Variants in PARN observed in about 807,000 individuals in gnomAD.
PARN encodes poly(A)-specific ribonuclease PARN.
PARN carries 71 observed loss-of-function variants against 102.8 expected under a neutral mutation model. The observed-to-expected ratio is 0.69, with a 90% CI of 0.57 to 0.84. PARN has a LOEUF of 0.84. Among genes scored for constraint, PARN ranks in the 40% least tolerant of loss-of-function variants. The pLI, the probability that PARN is intolerant of heterozygous loss-of-function variation, is 0.00. For synonymous variants in PARN, 261 were observed against 252.9 expected, an observed-to-expected ratio of 1.03 and a Z score of -0.30; for missense variants, 782 against 760.9, an observed-to-expected ratio of 1.03 and a Z score of -0.33.
At chr16:14,574,039 G>A (rs897139972) in intron 18 of PARN, among the ~76,000 whole-genome samples, 1 of 152,180 alleles carries the variant, frequency 6.6e-6, no homozygotes, top group Non-Finnish European at 1.5e-5. Flanking sequence ...ACAGTTTGGA[G>A]GGCTCAGAAG....
At chr16:14,509,608 C>T (rs955146070) in intron 21 of PARN, among the ~76,000 whole-genome samples, 8 of 152,190 alleles carry the variant, frequency 5.3e-5, no homozygotes, top group African/African-American at 1.7e-4. Context: ...TTCTCATCAA[C>T]ATTCAAAGTC....
intron 5 of PARN, among the ~76,000 whole-genome samples, chr16:14,620,232 C>A (rs1972214045): frequency 6.6e-6 from 1 of 151,824 alleles, no homozygotes; most frequent in Admixed American, 6.6e-5. Context: ...AAAAAATTAG[C>A]CAGGCGCGGT....
At chr16:14,514,411 C>T (rs1449893957) in intron 21 of PARN, among the ~76,000 whole-genome samples, 1 of 152,094 alleles carries the variant, frequency 6.6e-6, no homozygotes, top group Non-Finnish European at 1.5e-5. Context: ...TGATCTCGAT[C>T]TCCTGACCTC....
chr16:14,481,205 A>G (rs1012685949), intron 22 of PARN, among the ~76,000 whole-genome samples: 3 of 152,178 alleles, frequency 2.0e-5, no homozygotes, highest in Non-Finnish European at 4.4e-5. Flanking sequence ...CCTTACTGAT[A>G]ATAGCTCCAA....
At chr16:14,559,301 TG>T (rs1215514139) in intron 18 of PARN, among the ~76,000 whole-genome samples, 1 of 152,078 alleles carries the variant, frequency 6.6e-6, no homozygotes, top group African/African-American at 2.4e-5. Flanking sequence ...AAATATTTTT[TG>T]TCAATATATA....
At chr16:14,442,182 T>A (rs1201684175) in intron 23 of PARN, among the ~76,000 whole-genome samples, 2 of 152,104 alleles carry the variant, frequency 1.3e-5, no homozygotes, top group Non-Finnish European at 2.9e-5. Context: ...CCAGGCAGCA[T>A]CAGACCATCC....
chr16:14,464,974 A>G (rs1424414521), intron 22 of PARN, among the ~76,000 whole-genome samples: 1 of 152,220 alleles, frequency 6.6e-6, no homozygotes, highest in Non-Finnish European at 1.5e-5. Context: ...TCCTTCAGGC[A>G]AAAGGGAAAT....
chr16:14,577,935 T>C (rs1052404384), intron 18 of PARN, among the ~76,000 whole-genome samples: 1 of 151,988 alleles, frequency 6.6e-6, no homozygotes, highest in Non-Finnish European at 1.5e-5. Flanking sequence ...CCCAAAGTGC[T>C]GGGATTACAG....
intron 23 of PARN, among the ~76,000 whole-genome samples, chr16:14,440,781 T>C (rs1225901557): frequency 1.3e-5 from 2 of 152,168 alleles, no homozygotes; most frequent in Admixed American, 1.3e-4. Context: ...TGATTCCAGG[T>C]ATATGACATT....
intron 21 of PARN, among the ~76,000 whole-genome samples, chr16:14,539,265 G>T (rs1464231208): frequency 1.3e-5 from 2 of 152,170 alleles, no homozygotes; most frequent in African/African-American, 4.8e-5. Flanking sequence ...CAATGTAACA[G>T]AATATGAAAC....
At chr16:14,576,863 T>G (rs1969175726) in intron 18 of PARN, among the ~76,000 whole-genome samples, 1 of 152,214 alleles carries the variant, frequency 6.6e-6, no homozygotes, top group Non-Finnish European at 1.5e-5. Flanking sequence ...GGGACATTCT[T>G]CTAGACCAGT....
In PARN at chr16:14,470,308, T is replaced by C. The variant is rs561915086; in HGVS notation, c.1670+12330A>G. Among the ~76,000 whole-genome samples, 4 of 152,190 alleles carry C rather than the reference T, an allele frequency of 2.6e-5. No individual in the cohort carries two copies. The South Asian group carries it at 8.3e-4, about 32-fold the overall frequency. On this transcript the variant is annotated intron_variant, in intron 22 of 23. Coordinates refer to ENST00000437198, the MANE Select transcript of PARN (RefSeq NM_002582.4). ...GCCTTTAAATGGAAATACTGAATTT[T>C]ATTGGAGACACTGAGAAACCTTTCT...
intron 13 of PARN, among the ~76,000 whole-genome samples, chr16:14,586,846 T>C (rs1173256050): frequency 6.6e-6 from 1 of 152,188 alleles, no homozygotes; most frequent in Non-Finnish European, 1.5e-5. Context: ...TTTGAAATGT[T>C]AGTAAAAATG....
At chr16:14,627,076 GA>G in intron 5 of PARN, 29 bp downstream of exon 5, 1 of 1,325,118 alleles carries the variant, frequency 7.5e-7, no homozygotes, top group Non-Finnish European at 1.1e-6. Context: ...CAGCAATTCA[GA>G]AAAGAAAAAT....
rs372219707 is a variant in PARN at position 14,447,047 on chromosome 16, A to G, written c.1705T>C (p.Leu569=). ...TAPSTVGKRN[L]SPSQEEAGLE... ...CCAGCTTCCTCTTGACTAGGACTCAAATTTCTCTTTCCTACTGTGCTGGGA... is the reference window on the plus strand; with the variant it reads ...CCAGCTTCCTCTTGACTAGGACTCAGATTTCTCTTTCCTACTGTGCTGGGA... The change falls in exon 23 of 24, where the codon TTG becomes CTG. Residue 569 remains leucine (L), a synonymous_variant. Transcript: ENST00000437198. The G allele has an allele frequency of 7.4e-6, 12 of 1,613,694 alleles. No individual in the cohort carries two copies. The highest frequency in any genetic ancestry group is 3.3e-5 in the Admixed American group (2 of 59,980).
rs114073718 is a variant in PARN, at chr16:14,625,881, G to A, written c.327+1225C>T. On this transcript the variant is annotated intron_variant, in intron 5 of 23. Transcript: ENST00000437198. ...AGATAGGATGCAAGATTTTAAGGGA[G>A]AAAAGATTAAGACTTATCTTTAATC... Among the ~76,000 whole-genome samples, 579 of 152,282 alleles carry A rather than the reference G, an allele frequency of 3.8e-3. 5 individuals are homozygous for A. Among genetic ancestry groups the A allele is most frequent in the African/African-American group, 0.013 (546 of 41,542 alleles).
At chr16:14,598,439 C>A (rs2151776858) in intron 12 of PARN, among the ~76,000 whole-genome samples, 1 of 152,228 alleles carries the variant, frequency 6.6e-6, no homozygotes, top group East Asian at 1.9e-4. Flanking sequence ...ATGACGGCTA[C>A]AAAAGAGCTC....
chr16:14,613,894 T>C (rs534345029), intron 6 of PARN, among the ~76,000 whole-genome samples: 1 of 152,060 alleles, frequency 6.6e-6, no homozygotes, highest in Non-Finnish European at 1.5e-5. Context: ...AGTCAACAGA[T>C]TGCTGAAATA....
chr16:14,446,438 C>T (rs1961202313), intron 23 of PARN, among the ~76,000 whole-genome samples: 1 of 152,202 alleles, frequency 6.6e-6, no homozygotes, highest in African/African-American at 2.4e-5. Context: ...TCAACAGGTG[C>T]TAATTTCCTG....
Sources: allele counts gnomAD v4.1 joint callset (sites outside exome capture counted in the v4.1 genomes callset), GRCh38; gene constraint gnomAD v4.1.1; transcripts MANE v1.5; gene names NCBI Gene and HGNC (gene_info 2026-07-23, HGNC 2026-07-21).